Variants in SLC8A1 observed in about 807,000 individuals in gnomAD.
SLC8A1 encodes solute carrier family 8 member A1, also known as sodium/calcium exchanger 1.
SLC8A1 carries 18 observed loss-of-function variants against 68.3 expected under a neutral mutation model. The ratio of observed to expected loss-of-function variants is 0.26; its 90% CI spans 0.18 to 0.39. SLC8A1 has a LOEUF of 0.39. Ranked by LOEUF, SLC8A1 falls within the 10% of genes least tolerant of loss-of-function variation. The pLI is 1.00. For synonymous variants in SLC8A1, 475 were observed against 415.5 expected, an observed-to-expected ratio of 1.14 and a Z score of -1.74; for missense variants, 985 against 1,156.7, an observed-to-expected ratio of 0.85 and a Z score of 2.15.
intron 2 of SLC8A1, among the ~76,000 whole-genome samples, chr2:40,193,203 G>A (rs2052234074): frequency 1.3e-5 from 2 of 152,136 alleles, no homozygotes; most frequent in African/African-American, 4.8e-5. Flanking sequence ...AATGAATGGT[G>A]TGTAGGTGAT....
At chr2:40,283,202 G>A (rs1056879725) in intron 2 of SLC8A1, among the ~76,000 whole-genome samples, 2 of 152,192 alleles carry the variant, frequency 1.3e-5, no homozygotes, top group African/African-American at 2.4e-5. Context: ...TCTAATGAGA[G>A]GTAGAGGATG....
chr2:40,378,682 G>A (rs1680739825), intron 2 of SLC8A1, among the ~76,000 whole-genome samples: 2 of 152,074 alleles, frequency 1.3e-5, no homozygotes, highest in Non-Finnish European at 2.9e-5. Context: ...CAGAGAAAGA[G>A]GAATGAGTCA....
exon 8 of SLC8A1, chr2:40,102,064 A>G (rs2033925710): frequency 1.3e-5 from 2 of 152,260 alleles, no homozygotes; most frequent in Middle Eastern, 3.4e-3. Flanking sequence ...CATTCTTACA[A>G]TGTGGGTAAG....
intron 1 of SLC8A1, among the ~76,000 whole-genome samples, chr2:40,505,428 C>A (rs1184249671): frequency 6.6e-6 from 1 of 151,736 alleles, no homozygotes; most frequent in Non-Finnish European, 1.5e-5. Flanking sequence ...ACATTGCATG[C>A]CTGTATCCAA....
At chr2:40,431,374 G>A (rs957113894) in intron 1 of SLC8A1, among the ~76,000 whole-genome samples, 1 of 152,030 alleles carries the variant, frequency 6.6e-6, no homozygotes, top group African/African-American at 2.4e-5. Flanking sequence ...CATGACAAGA[G>A]TGACCACAAA....
chr2:40,485,645 A>G (rs1341818412), intron 1 of SLC8A1, among the ~76,000 whole-genome samples: 1 of 152,120 alleles, frequency 6.6e-6, no homozygotes, highest in Non-Finnish European at 1.5e-5. Context: ...AGATGAAAAC[A>G]CACACTAAAA....
intron 2 of SLC8A1, among the ~76,000 whole-genome samples, chr2:40,294,717 T>G (rs985510894): frequency 6.6e-6 from 1 of 152,192 alleles, no homozygotes; most frequent in African/African-American, 2.4e-5. Context: ...TCCTTAAATG[T>G]TAAAAAGTTA....
At chr2:40,361,294 C>T (rs1222906562) in intron 2 of SLC8A1, among the ~76,000 whole-genome samples, 3 of 151,994 alleles carry the variant, frequency 2.0e-5, no homozygotes, top group South Asian at 2.1e-4. Context: ...TGATGTGTGC[C>T]GGTTACTTCA....
intron 2 of SLC8A1, among the ~76,000 whole-genome samples, chr2:40,343,092 T>C (rs1351304879): frequency 6.6e-6 from 1 of 152,008 alleles, no homozygotes; most frequent in Non-Finnish European, 1.5e-5. Flanking sequence ...TCGGGTGATA[T>C]TCTATTAAAA....
intron 2 of SLC8A1, among the ~76,000 whole-genome samples, chr2:40,260,956 A>G (rs1005098632): frequency 1.3e-5 from 2 of 152,196 alleles, no homozygotes; most frequent in African/African-American, 4.8e-5. Flanking sequence ...GAATTACTCA[A>G]TGTAGCCATA....
intron 2 of SLC8A1, among the ~76,000 whole-genome samples, chr2:40,319,282 G>T (rs1394833236): frequency 6.6e-6 from 1 of 152,056 alleles, no homozygotes; most frequent in East Asian, 1.9e-4. Flanking sequence ...TTTAAATGCA[G>T]CACACATAGC....
intron 1 of SLC8A1, among the ~76,000 whole-genome samples, chr2:40,432,401 T>TTGTGAGTGTGTGTGTG (rs1698525681): frequency 7.8e-6 from 1 of 128,736 alleles, no homozygotes; most frequent in Non-Finnish European, 1.6e-5. Context: ...GAGTGTGAGA[T>TTGTGAGTGTGTGTGTG]TGTGTGTGTG....
intron 2 of SLC8A1, among the ~76,000 whole-genome samples, chr2:40,256,589 A>C (rs896570198): frequency 1.3e-5 from 2 of 152,186 alleles, no homozygotes; most frequent in African/African-American, 4.8e-5. Flanking sequence ...CCTTTTGGAC[A>C]CATTATTGCT....
intron 2 of SLC8A1, among the ~76,000 whole-genome samples, chr2:40,200,220 T>TAAA (rs1558722244): frequency 1.1e-3 from 4 of 3,648 alleles, no homozygotes; most frequent in Non-Finnish European, 1.6e-3. Flanking sequence ...ATATATATAT[T>TAAA]TTTTTATATA....
chr2:40,439,432 C>A (rs1398465793), intron 1 of SLC8A1, among the ~76,000 whole-genome samples: 1 of 152,098 alleles, frequency 6.6e-6, no homozygotes, highest in Non-Finnish European at 1.5e-5. Flanking sequence ...CTTTAGGGGG[C>A]AGCCCCTACT....
intron 2 of SLC8A1, among the ~76,000 whole-genome samples, chr2:40,276,573 C>T (rs1264313952): frequency 6.6e-6 from 1 of 152,160 alleles, no homozygotes; most frequent in East Asian, 1.9e-4. Context: ...TCTATCAAAG[C>T]AACTGAGTGA....
chr2:40,194,569 ATGT>A (rs770138043), intron 2 of SLC8A1, among the ~76,000 whole-genome samples: 4 of 151,856 alleles, frequency 2.6e-5, no homozygotes, highest in Non-Finnish European at 5.9e-5. Context: ...ATAGAATAAA[ATGT>A]CTTGAGTTTT....
At chr2:40,320,461 C>T (rs2075053681) in intron 2 of SLC8A1, among the ~76,000 whole-genome samples, 1 of 152,090 alleles carries the variant, frequency 6.6e-6, no homozygotes, top group African/African-American at 2.4e-5. Flanking sequence ...GTGTGTGTTT[C>T]ATGTTGTGGA....
intron 2 of SLC8A1, among the ~76,000 whole-genome samples, chr2:40,260,278 C>A (rs114202517): frequency 1.4e-3 from 215 of 152,272 alleles, no homozygotes; most frequent in African/African-American, 5.1e-3. Context: ...CAAAAGGGAA[C>A]CAGGGAAGGG....
Sources: allele counts gnomAD v4.1 joint callset (sites outside exome capture counted in the v4.1 genomes callset), GRCh38; gene constraint gnomAD v4.1.1; transcripts MANE v1.5; gene names NCBI Gene and HGNC (gene_info 2026-07-23, HGNC 2026-07-21).